SOX6: variants seen among roughly 807,000 people sequenced by gnomAD.
SOX6 encodes the protein SRY-box transcription factor 6.
Under a neutral mutation model 97.8 loss-of-function variants are expected in SOX6, and 11 were observed. The observed-to-expected ratio is 0.11, with a 90% confidence interval of 0.07 to 0.19. SOX6 has a LOEUF of 0.19. Among genes scored for constraint, SOX6 ranks in the 10% least tolerant of loss-of-function variants. The pLI is 1.00. For missense variants in SOX6, 810 were observed against 1,039.5 expected, an observed-to-expected ratio of 0.78 and a Z score of 3.04; for synonymous variants, 360 against 371.4, an observed-to-expected ratio of 0.97 and a Z score of 0.35.
intron 5 of SOX6, among the ~76,000 whole-genome samples, chr11:16,184,878 G>C (rs1449602583): frequency 1.4e-5 from 2 of 144,214 alleles, no homozygotes; most frequent in Non-Finnish European, 3.0e-5. Flanking sequence ...GGAAGCCAGA[G>C]AGAAAAGCAG....
chr11:16,449,184 A>G (rs1300906073), intron 1 of SOX6, among the ~76,000 whole-genome samples: 2 of 151,598 alleles, frequency 1.3e-5, no homozygotes, highest in Non-Finnish European at 2.9e-5. Context: ...CAATGAAAAT[A>G]CTTGGAATAT....
rs1401201116 is a variant in SOX6, at chr11:16,300,914, A to T, written c.445+17532T>A. On this transcript the variant is annotated intron_variant, in intron 3 of 15. Coordinates refer to ENST00000683767, the MANE Select transcript of SOX6 (RefSeq NM_001367873.1). The surrounding 1 kb of genome is among the most constrained non-coding windows in gnomAD (Gnocchi z 4.1). ...AGATAAGATAAGGGATCACTCTGTG[A>T]CCTGTGTGCTATACCTTTGATCAAG... Among the ~76,000 whole-genome samples, 1 of 152,214 alleles carries T rather than the reference A, an allele frequency of 6.6e-6. No homozygotes were observed.
At chr11:16,211,336 A>T (rs1314337370) in intron 4 of SOX6, among the ~76,000 whole-genome samples, 2 of 152,126 alleles carry the variant, frequency 1.3e-5, no homozygotes, top group African/African-American at 4.8e-5. Flanking sequence ...TGTGGAGACA[A>T]AGGAGAAAGC....
At chr11:16,633,540 C>T (rs1022242098) in intron 3 of SOX6, among the ~76,000 whole-genome samples, 4 of 152,218 alleles carry the variant, frequency 2.6e-5, no homozygotes, top group Admixed American at 2.6e-4. Context: ...TTGAAAGAAG[C>T]TGTGGGTGTA....
intron 3 of SOX6, among the ~76,000 whole-genome samples, chr11:16,663,041 TA>T (rs1309474455): frequency 1.1e-3 from 152 of 142,270 alleles, no homozygotes; most frequent in African/African-American, 1.2e-3. Flanking sequence ...GGGTCTCAGT[TA>T]AAAAAAAAAA....
chr11:16,230,376 A>C (rs116012900), intron 4 of SOX6, among the ~76,000 whole-genome samples: 1 of 151,820 alleles, frequency 6.6e-6, no homozygotes, highest in Non-Finnish European at 1.5e-5. Context: ...AAGAGAAAAC[A>C]TATCTATTGA....
chr11:16,137,426 C>CAATAAATAAATAAAATAA (rs1849998085), intron 6 of SOX6, among the ~76,000 whole-genome samples: 1 of 151,862 alleles, frequency 6.6e-6, no homozygotes, highest in South Asian at 2.1e-4. Flanking sequence ...ACTCTCTCTC[C>CAATAAATAAATAAAATAA]AATAAATAAA....
chr11:16,477,949 T>C (rs886921020), upstream of SOX6, among the ~76,000 whole-genome samples: 2 of 152,188 alleles, frequency 1.3e-5, no homozygotes, highest in East Asian at 1.9e-4. Context: ...TCTTCCTCAT[T>C]GCCTCTGCTG....
At chr11:16,504,604 C>T (rs950577033) in intron 4 of SOX6, among the ~76,000 whole-genome samples, 1 of 152,002 alleles carries the variant, frequency 6.6e-6, no homozygotes, top group Non-Finnish European at 1.5e-5. Flanking sequence ...AATAGAAAGA[C>T]ATCCCATGCT....
intron 1 of SOX6, among the ~76,000 whole-genome samples, chr11:16,404,798 G>T (rs1858651093): frequency 6.6e-6 from 1 of 151,990 alleles, no homozygotes; most frequent in Admixed American, 6.6e-5. Context: ...AAATCTGTAA[G>T]AATGAAATGT....
chr11:16,626,943 C>T (rs1848631393), intron 3 of SOX6, among the ~76,000 whole-genome samples: 1 of 152,090 alleles, frequency 6.6e-6, no homozygotes, highest in African/African-American at 2.4e-5. Flanking sequence ...GAACATAATA[C>T]CCAATAGTTT....
At chr11:16,021,056 T>C (rs1420669264) in intron 12 of SOX6, among the ~76,000 whole-genome samples, 1 of 152,040 alleles carries the variant, frequency 6.6e-6, no homozygotes, top group African/African-American at 2.4e-5. Context: ...AAGAGCACAA[T>C]AGAAAAATGC....
chr11:16,503,762 C>T (rs772139998), intron 4 of SOX6, among the ~76,000 whole-genome samples: 3 of 151,956 alleles, frequency 2.0e-5, no homozygotes, highest in African/African-American at 4.8e-5. Context: ...CTAAATTTAT[C>T]GGTTGGGCAC....
chr11:16,627,304 G>A (rs1020930287), intron 3 of SOX6, among the ~76,000 whole-genome samples: 19 of 152,092 alleles, frequency 1.2e-4, no homozygotes, highest in African/African-American at 4.6e-4. Flanking sequence ...GTGTCTTTTT[G>A]GTAGAATAAC....
chr11:16,261,458 C>A (rs61881743), intron 3 of SOX6, among the ~76,000 whole-genome samples: 18,349 of 151,852 alleles, frequency 0.12, 1,511 homozygotes, highest in South Asian at 0.19. Context: ...ATGCTTAGAG[C>A]ACCACAGAAA....
At chr11:16,211,920 GC>G (rs2134143279) in intron 4 of SOX6, among the ~76,000 whole-genome samples, 1 of 152,302 alleles carries the variant, frequency 6.6e-6, no homozygotes, top group South Asian at 2.1e-4. Flanking sequence ...GCACAGAGTT[GC>G]CGTTACTGAG....
intron 9 of SOX6, among the ~76,000 whole-genome samples, chr11:16,060,160 T>A (rs1381956036): frequency 2.7e-5 from 4 of 150,506 alleles, no homozygotes; most frequent in African/African-American, 1.0e-4. Context: ...TGGAAATACA[T>A]CTATTTTTTT....
At chr11:16,081,504 C>G (rs1013939536) in intron 9 of SOX6, among the ~76,000 whole-genome samples, 1 of 152,068 alleles carries the variant, frequency 6.6e-6, no homozygotes, top group East Asian at 1.9e-4. Flanking sequence ...CCATAACACC[C>G]CTAGAAAACT....
chr11:16,202,961 C>T (rs113966174), intron 4 of SOX6, among the ~76,000 whole-genome samples: 1,602 of 152,154 alleles, frequency 0.011, 24 homozygotes, highest in African/African-American at 0.037. Flanking sequence ...AAGATTCTGC[C>T]ATTCGTGGAT....
Sources: allele counts gnomAD v4.1 joint callset (sites outside exome capture counted in the v4.1 genomes callset), GRCh38; gene constraint gnomAD v4.1.1; non-coding constraint Gnocchi (gnomAD v3.1); transcripts MANE v1.5; gene names NCBI Gene and HGNC (gene_info 2026-07-23, HGNC 2026-07-21).